The following ILRUN variants were observed in gnomAD, a reference collection of about 807,000 sequenced individuals.
The protein encoded by ILRUN is inflammation and lipid regulator with UBA-like and NBR1-like domains.
Under a neutral mutation model 33.8 loss-of-function variants are expected in ILRUN, and 3 were observed. The ratio of observed to expected loss-of-function variants is 0.09; its 90% confidence interval spans 0.04 to 0.23. The LOEUF is 0.23. ILRUN is among the 10% of genes least tolerant of loss of function. ILRUN has a pLI of 1.00. For missense variants in ILRUN, 210 were observed against 375.1 expected (o/e 0.56, Z 3.64); for synonymous variants, 124 against 138.9 (o/e 0.89, Z 0.75).
intron 4 of ILRUN, among the ~76,000 whole-genome samples, chr6:34,597,587 A>G (rs1015370660): frequency 1.3e-5 from 2 of 152,202 alleles, no homozygotes; most frequent in African/African-American, 4.8e-5. Context: ...CAATTAATTG[A>G]CAGGCATCAG....
rs186314080 is a variant in ILRUN, at chr6:34,678,113, G to A, written c.158+18333C>T. Among the ~76,000 whole-genome samples the A allele has an allele frequency of 5.9e-5, 9 of 152,278 alleles. No individual in the cohort carries two copies. The East Asian group carries it at 1.7e-3, about 29-fold the overall frequency. ...GCTGAAGTGCAGTGGTGCAATCTCA[G>A]CTCACTGCAACCTCCGCCTGAGTTC... On this transcript the variant is annotated intron_variant, in intron 1 of 4. Coordinates refer to ENST00000374023, the MANE Select transcript of ILRUN (RefSeq NM_024294.4).
intron 1 of ILRUN, among the ~76,000 whole-genome samples, chr6:34,661,952 C>A (rs565409896): frequency 6.6e-6 from 1 of 151,742 alleles, no homozygotes; most frequent in African/African-American, 2.4e-5. Context: ...AGTGAAACCC[C>A]GTCTCTACTA....
chr6:34,654,915 T>G (rs1175284054), intron 1 of ILRUN, 136 bp from the exon 2 acceptor site: 1 of 672,822 alleles, frequency 1.5e-6, no homozygotes, highest in East Asian at 3.1e-5. Flanking sequence ...CTTTAAAGCC[T>G]TCTATTCTGG....
chr6:34,650,413 TTA>T (rs1462160099), intron 2 of ILRUN, among the ~76,000 whole-genome samples: 9 of 78,358 alleles, frequency 1.1e-4, no homozygotes, highest in African/African-American at 7.6e-4. Context: ...TTATTTTTAT[TTA>T]TTTATTTATT....
intron 1 of ILRUN, among the ~76,000 whole-genome samples, chr6:34,684,029 G>C (rs1763463695): frequency 6.6e-6 from 1 of 151,824 alleles, no homozygotes; most frequent in South Asian, 2.1e-4. Flanking sequence ...AGTGAGCAGT[G>C]ATCCCGCCAA....
intron 1 of ILRUN, among the ~76,000 whole-genome samples, chr6:34,687,590 C>T (rs959997144): frequency 6.6e-6 from 1 of 151,086 alleles, no homozygotes; most frequent in African/African-American, 2.4e-5. Flanking sequence ...CCCAGCTACT[C>T]GGGAGGCTGG....
intron 3 of ILRUN, among the ~76,000 whole-genome samples, chr6:34,643,430 T>C (rs564045296): frequency 1.3e-5 from 2 of 152,300 alleles, no homozygotes; most frequent in Admixed American, 1.3e-4. Flanking sequence ...AAAGGCAATT[T>C]TCTAACAGTT....
At chr6:34,667,509 TACTA>T (rs905864621) in intron 1 of ILRUN, among the ~76,000 whole-genome samples, 85 of 152,190 alleles carry the variant, frequency 5.6e-4, no homozygotes, top group African/African-American at 2.0e-3. Flanking sequence ...CATCAATAGA[TACTA>T]AAACAGTGGA....
intron 1 of ILRUN, among the ~76,000 whole-genome samples, chr6:34,683,082 T>G (rs1042536512): frequency 6.6e-6 from 1 of 151,236 alleles, no homozygotes; most frequent in Non-Finnish European, 1.5e-5. Context: ...AACAGGACGT[T>G]GCCTATAAAA....
At chr6:34,664,569 C>T (rs1211207206) in intron 1 of ILRUN, among the ~76,000 whole-genome samples, 1 of 152,158 alleles carries the variant, frequency 6.6e-6, no homozygotes, top group Non-Finnish European at 1.5e-5. Flanking sequence ...GAAATAACTC[C>T]CATTCTTGTT....
chr6:34,609,217 G>A (rs1401793289), intron 3 of ILRUN, among the ~76,000 whole-genome samples: 3 of 152,172 alleles, frequency 2.0e-5, no homozygotes, highest in South Asian at 2.1e-4. Context: ...GGCTGGGCAC[G>A]GTGGCTCATG....
In ILRUN at chr6:34,590,457, GC is replaced by G; in HGVS notation, c.*107del. The G allele has an allele frequency of 6.5e-7, 1 of 1,529,276 alleles. No homozygotes were observed. Among genetic ancestry groups the G allele is most frequent in the Non-Finnish European group, 8.9e-7 (1 of 1,117,654 alleles). The allele number at this position is 1,529,276 out of a possible 1,614,324, so 94.7% of individuals were successfully genotyped here. On this transcript the variant is annotated 3_prime_UTR_variant, in exon 5 of 5. Coordinates refer to ENST00000374023, the MANE Select transcript of ILRUN (RefSeq NM_024294.4). ...TCTTCCGGGATGAGAGGGGGTCAGAGCCAGGGGTCTGTGCGATGTGGTCTGC... is the reference window on the plus strand; with the variant it reads ...TCTTCCGGGATGAGAGGGGGTCAGAGCAGGGGTCTGTGCGATGTGGTCTGC...
intron 1 of ILRUN, among the ~76,000 whole-genome samples, chr6:34,683,461 T>TAC (rs1554189844): frequency 8.7e-6 from 1 of 114,516 alleles, no homozygotes; most frequent in South Asian, 2.5e-4. Flanking sequence ...TACATATATA[T>TAC]ACATATATAT....
chr6:34,632,296 T>A (rs945098899), intron 3 of ILRUN, among the ~76,000 whole-genome samples: 2 of 151,826 alleles, frequency 1.3e-5, no homozygotes, highest in African/African-American at 2.4e-5. Context: ...CAAAAATTAG[T>A]TAAGCGTGGT....
chr6:34,684,334 C>A (rs1763470485), intron 1 of ILRUN, among the ~76,000 whole-genome samples: 1 of 152,074 alleles, frequency 6.6e-6, no homozygotes, highest in Non-Finnish European at 1.5e-5. Context: ...TTATTATGCG[C>A]TTATATGACT....
At chr6:34,663,030 G>T (rs1219831584) in intron 1 of ILRUN, among the ~76,000 whole-genome samples, 2 of 151,812 alleles carry the variant, frequency 1.3e-5, no homozygotes, top group Admixed American at 1.3e-4. Context: ...GGAGTTCAAG[G>T]CTACAGTGAG....
chr6:34,635,794 T>C (rs1210437530), intron 3 of ILRUN, among the ~76,000 whole-genome samples: 1 of 152,050 alleles, frequency 6.6e-6, no homozygotes, highest in East Asian at 1.9e-4. Flanking sequence ...AGCTAATTTT[T>C]ATATTTTTGT....
intron 1 of ILRUN, among the ~76,000 whole-genome samples, chr6:34,695,598 T>C (rs1373596202): frequency 1.3e-5 from 2 of 152,210 alleles, no homozygotes; most frequent in African/African-American, 2.4e-5. Flanking sequence ...TCTGTCAACT[T>C]AGCTTTCTTT....
At chr6:34,676,609 C>T (rs1266652457) in intron 1 of ILRUN, among the ~76,000 whole-genome samples, 1 of 151,892 alleles carries the variant, frequency 6.6e-6, no homozygotes, top group Non-Finnish European at 1.5e-5. Flanking sequence ...CTCAAGTGAT[C>T]CAACTGCCTC....
Sources: gnomAD v4.1 joint callset for allele counts (sites outside exome capture counted in the v4.1 genomes callset) on GRCh38, gnomAD v4.1.1 for gene constraint, MANE v1.5 for transcripts, NCBI Gene and HGNC (gene_info 2026-07-23, HGNC 2026-07-21) for gene names.